The following AKT3 variants were observed in gnomAD, a reference collection of about 807,000 sequenced individuals.
AKT3 encodes AKT serine/threonine kinase 3, also known as RAC-gamma serine/threonine-protein kinase.
A neutral mutation model predicts 65.3 loss-of-function variants in AKT3; 15 were observed. The ratio of observed to expected loss-of-function variants is 0.23; its 90% CI spans 0.15 to 0.35. The LOEUF (loss-of-function observed/expected upper bound fraction) is 0.35, where lower values mean the gene tolerates loss of function less well. Ranked by LOEUF, AKT3 falls within the 10% of genes least tolerant of loss-of-function variation. AKT3 has a pLI of 1.00. For synonymous variants in AKT3, 206 were observed against 183.8 expected (o/e 1.12, Z -0.98); for missense variants, 243 against 576.5 (o/e 0.42, Z 5.92).
chr1:243,817,099 C>T (rs1420618618), intron 2 of AKT3, among the ~76,000 whole-genome samples: 3 of 152,076 alleles, frequency 2.0e-5, no homozygotes, highest in East Asian at 1.9e-4. Flanking sequence ...AACATGGAGG[C>T]GAACTGAGGC....
In AKT3 at chr1:243,791,103, C is replaced by T. The variant is rs371197623; in HGVS notation, c.46+52022G>A. On this transcript the variant is annotated intron_variant, in intron 2 of 13. Coordinates refer to ENST00000673466, the MANE Select transcript of AKT3 (RefSeq NM_005465.7). ...TCGACTCAAGGTTGCCACAAATCTT[C>T]AATTTGTAAGAAATGCAGTATTAGC... 1.6e-4 allele frequency among the ~76,000 whole-genome samples: 24 copies of T among 152,310 alleles called. 1 individual carries two copies. In the East Asian group the frequency reaches 4.4e-3, roughly 28 times the overall value.
chr1:243,503,962 A>G lies in AKT3; in HGVS notation c.*1287T>C. 4.4e-6 allele frequency: 1 copy of G among 226,284 alleles called. No individual in the cohort carries two copies. The highest frequency in any genetic ancestry group is 5.7e-5 in the Admixed American group (1 of 17,538). 14.0% of individuals were successfully genotyped at this position (226,284 alleles called of 1,614,324 possible). A position where few individuals can be genotyped will look rare whatever the true frequency, so the allele number is the denominator to read the frequency against. On this transcript the variant is annotated 3_prime_UTR_variant, in exon 14 of 14. Coordinates refer to ENST00000673466, the MANE Select transcript of AKT3 (RefSeq NM_005465.7). ...AACGTCAACAGCTATTTGTTTCATT[A>G]ACCCCTTGGCATGCATAGTTGGGGA...
chr1:243,840,018 T>C (rs975858015), intron 2 of AKT3, among the ~76,000 whole-genome samples: 1 of 151,818 alleles, frequency 6.6e-6, no homozygotes, highest in African/African-American at 2.4e-5. Context: ...TCGTCTCTAC[T>C]GAAAATACAA....
At chr1:243,796,287 A>T (rs1692000608) in intron 2 of AKT3, among the ~76,000 whole-genome samples, 1 of 152,206 alleles carries the variant, frequency 6.6e-6, no homozygotes, top group Non-Finnish European at 1.5e-5. Context: ...TTTGGTCAGA[A>T]GCCCTGAGAG....
intron 2 of AKT3, among the ~76,000 whole-genome samples, chr1:243,805,328 C>A (rs1226142749): frequency 1.3e-5 from 2 of 152,114 alleles, no homozygotes; most frequent in Admixed American, 6.6e-5. Flanking sequence ...TCCTCCCAAC[C>A]TTCACTCCAT....
intron 10 of AKT3, among the ~76,000 whole-genome samples, chr1:243,553,810 C>A (rs545608177): frequency 3.3e-5 from 5 of 152,234 alleles, no homozygotes; most frequent in South Asian, 2.1e-4. Flanking sequence ...ATCTTTTTAT[C>A]AGATTTGTTC....
chr1:243,632,390 T>C (rs1679676053), intron 6 of AKT3, among the ~76,000 whole-genome samples: 1 of 152,192 alleles, frequency 6.6e-6, no homozygotes. Flanking sequence ...ATTTAAAAAG[T>C]AATCTTTTTT....
chr1:243,558,098 C>T (rs1242108903), intron 10 of AKT3, among the ~76,000 whole-genome samples: 2 of 151,950 alleles, frequency 1.3e-5, no homozygotes, highest in South Asian at 2.1e-4. Flanking sequence ...ACAACATTGG[C>T]AGCACCCACA....
intron 13 of AKT3, among the ~76,000 whole-genome samples, chr1:243,488,650 C>A (rs1436908255): frequency 6.6e-6 from 1 of 152,198 alleles, no homozygotes; most frequent in Non-Finnish European, 1.5e-5. Flanking sequence ...CCGGGGCGGC[C>A]GTCTGCTCAG....
chr1:243,639,516 A>C (rs1270471391), intron 5 of AKT3, among the ~76,000 whole-genome samples: 2 of 152,162 alleles, frequency 1.3e-5, no homozygotes, highest in Non-Finnish European at 2.9e-5. Context: ...ATGGTGATGA[A>C]AGTGACCTCC....
chr1:243,597,496 TTTTTG>T (rs549760765), intron 8 of AKT3, among the ~76,000 whole-genome samples: 349 of 152,092 alleles, frequency 2.3e-3, no homozygotes, highest in Non-Finnish European at 4.1e-3. Context: ...ATACTATGCA[TTTTTG>T]TTTTGTTTTG....
intron 2 of AKT3, among the ~76,000 whole-genome samples, chr1:243,756,852 A>T (rs1432521378): frequency 6.6e-6 from 1 of 152,246 alleles, no homozygotes; most frequent in Non-Finnish European, 1.5e-5. Context: ...CAAAGTTAAC[A>T]TCAGTAATAA....
intron 2 of AKT3, among the ~76,000 whole-genome samples, chr1:243,731,825 T>C (rs1252959915): frequency 6.6e-6 from 1 of 152,142 alleles, no homozygotes; most frequent in Non-Finnish European, 1.5e-5. Context: ...ATTTATAATT[T>C]CAGGATTATG....
chr1:243,531,550 A>G (rs1487120333), intron 12 of AKT3, among the ~76,000 whole-genome samples: 1 of 152,180 alleles, frequency 6.6e-6, no homozygotes, highest in Non-Finnish European at 1.5e-5. Flanking sequence ...TTTTTGTAGT[A>G]CGGTATTCTG....
chr1:243,492,342 C>T (rs1666692700), intron 13 of AKT3, among the ~76,000 whole-genome samples: 1 of 122,464 alleles, frequency 8.2e-6, no homozygotes, highest in Admixed American at 1.0e-4. Context: ...TGCTCCGTCA[C>T]CCGGACTGGA....
chr1:243,768,526 G>C (rs940750187), intron 2 of AKT3, among the ~76,000 whole-genome samples: 2 of 152,012 alleles, frequency 1.3e-5, no homozygotes, highest in African/African-American at 4.8e-5. Context: ...TTTTAGTTAG[G>C]TGCCACAACT....
intron 2 of AKT3, among the ~76,000 whole-genome samples, chr1:243,783,256 C>CA (rs1691027339): frequency 6.6e-6 from 1 of 152,192 alleles, no homozygotes; most frequent in African/African-American, 2.4e-5. Flanking sequence ...ACCTCACCCT[C>CA]AACCTCTGGG....
intron 2 of AKT3, among the ~76,000 whole-genome samples, chr1:243,706,561 C>T (rs933291182): frequency 2.6e-5 from 4 of 152,090 alleles, no homozygotes; most frequent in African/African-American, 9.7e-5. Flanking sequence ...GTAGTATGGA[C>T]CCTAAAATGG....
chr1:243,667,362 C>A (rs1474466589), intron 3 of AKT3, among the ~76,000 whole-genome samples: 1 of 152,152 alleles, frequency 6.6e-6, no homozygotes, highest in Non-Finnish European at 1.5e-5. Context: ...CTCAACCCTG[C>A]TCCTTCTTCT....
Sources: gnomAD v4.1 joint callset for allele counts (sites outside exome capture counted in the v4.1 genomes callset) on GRCh38, gnomAD v4.1.1 for gene constraint, MANE v1.5 for transcripts, NCBI Gene and HGNC (gene_info 2026-07-23, HGNC 2026-07-21) for gene names.